Variants in C8orf34 observed in about 807,000 individuals in gnomAD.
The protein encoded by C8orf34 is chromosome 8 open reading frame 34.
A neutral mutation model predicts 68.3 loss-of-function variants in C8orf34; 65 were observed. The ratio of observed to expected loss-of-function variants is 0.95; its 90% CI spans 0.78 to 1.17. The LOEUF (loss-of-function observed/expected upper bound fraction) is 1.17, where lower values mean the gene tolerates loss of function less well. C8orf34 is among the 50% of genes most tolerant of loss of function. The pLI, the probability that C8orf34 is intolerant of heterozygous loss-of-function variation, is 0.00. For missense variants in C8orf34, 664 were observed against 655.4 expected, an observed-to-expected ratio of 1.01 and a Z score of -0.14; for synonymous variants, 244 against 241.2, an observed-to-expected ratio of 1.01 and a Z score of -0.11.
rs920828886 is a variant in C8orf34 at position 68,340,329 on chromosome 8, G to T, written c.327+8990G>T. On this transcript the variant is annotated intron_variant, in intron 1 of 13. Coordinates refer to ENST00000518698, the MANE Select transcript of C8orf34 (RefSeq NM_052958.4). ...ATAAAAACATGAATTAATGATGCAC[G>T]CAGTAACACAAATGAATCCTGAATT... Among the ~76,000 whole-genome samples, 3 of 152,000 alleles carry T rather than the reference G, an allele frequency of 2.0e-5. No individual in the cohort carries two copies. In the East Asian group the frequency reaches 5.8e-4, roughly 29 times the overall value.
intron 10 of C8orf34, among the ~76,000 whole-genome samples, chr8:68,766,758 A>G (rs1823189205): frequency 6.6e-6 from 1 of 152,236 alleles, no homozygotes; most frequent in Non-Finnish European, 1.5e-5. Context: ...CTGTAGTTTA[A>G]TATTAGAAAT....
At chr8:68,796,339 A>G (rs1391742311) in intron 12 of C8orf34, among the ~76,000 whole-genome samples, 3 of 152,156 alleles carry the variant, frequency 2.0e-5, no homozygotes, top group Non-Finnish European at 4.4e-5. Flanking sequence ...GGAGATTCCT[A>G]TACCACCTTT....
intron 7 of C8orf34, among the ~76,000 whole-genome samples, chr8:68,577,907 G>T (rs1477994545): frequency 6.6e-6 from 1 of 151,476 alleles, no homozygotes; most frequent in Admixed American, 6.6e-5. Context: ...AAAAAAAAAT[G>T]CTGAAATGTG....
intron 10 of C8orf34, among the ~76,000 whole-genome samples, chr8:68,746,546 G>C (rs1374458118): frequency 7.8e-6 from 1 of 127,764 alleles, no homozygotes; most frequent in African/African-American, 3.0e-5. Context: ...AAATGATAAA[G>C]GGGATATCAC....
intron 8 of C8orf34, among the ~76,000 whole-genome samples, chr8:68,700,672 T>C (rs1563617680): frequency 6.6e-6 from 1 of 152,034 alleles, no homozygotes; most frequent in Non-Finnish European, 1.5e-5. Context: ...GGGGAGATCA[T>C]GCAAATACAA....
rs765506029 is a variant in C8orf34, at chr8:68,521,950, G to C, written c.917G>C (p.Ser306Thr). 1 of 1,614,042 alleles carries C rather than the reference G, an allele frequency of 6.2e-7. No homozygotes were observed. The highest frequency in any genetic ancestry group is 8.5e-7 in the Non-Finnish European group (1 of 1,179,966). The change falls in exon 6 of 14, where the codon AGT becomes ACT. Residue 306 changes from serine to threonine, a missense_variant. Coordinates refer to ENST00000518698, the MANE Select transcript of C8orf34 (RefSeq NM_052958.4). ...SKNDQWESEDSGSSPAGSLKM... is the reference protein window; with the variant it reads ...SKNDQWESEDTGSSPAGSLKM... ...AATGACCAATGGGAAAGTGAAGATA[G>C]TGGCTCTAGTCCTGCAGGAAGGTGA... is the stretch of plus-strand genomic sequence containing the variant.
chr8:68,658,985 T>C (rs1271451861), intron 8 of C8orf34, among the ~76,000 whole-genome samples: 2 of 152,160 alleles, frequency 1.3e-5, no homozygotes, highest in African/African-American at 4.8e-5. Flanking sequence ...TCATGGCATG[T>C]ATTTTCTTCA....
chr8:68,801,368 T>C (rs182301710), intron 12 of C8orf34, among the ~76,000 whole-genome samples: 7 of 152,188 alleles, frequency 4.6e-5, no homozygotes, highest in Non-Finnish European at 8.8e-5. Flanking sequence ...TAGTAAGAAT[T>C]AGCTTGAGCC....
At chr8:68,672,165 T>C (rs1820032839) in intron 8 of C8orf34, among the ~76,000 whole-genome samples, 1 of 147,072 alleles carries the variant, frequency 6.8e-6, no homozygotes, top group African/African-American at 2.5e-5. Flanking sequence ...AGTCTGGTTA[T>C]GGAGGCAAGG....
chr8:68,810,970 T>C (rs371128574), intron 12 of C8orf34, among the ~76,000 whole-genome samples: 2 of 152,284 alleles, frequency 1.3e-5, no homozygotes, highest in Non-Finnish European at 2.9e-5. Context: ...CTTCAGTCCA[T>C]GCACAGCTTA....
At chr8:68,634,442 A>G (rs1274698677) in intron 7 of C8orf34, among the ~76,000 whole-genome samples, 3 of 152,214 alleles carry the variant, frequency 2.0e-5, no homozygotes, top group Non-Finnish European at 4.4e-5. Flanking sequence ...CTTATGCAGT[A>G]TTGAAAAGTC....
At position 68,568,194 on chromosome 8, in the gene C8orf34, G is replaced by A. The variant is rs539072052; in HGVS notation, c.1105+35045G>A. 2.6e-5 allele frequency among the ~76,000 whole-genome samples: 4 copies of A among 152,228 alleles called. No homozygotes were observed. The South Asian group carries it at 8.3e-4, about 32-fold the overall frequency. ...CACTGATCACACATCACTGATCGCAGATCAGCAATAAGGCTGTGGTGCTTT... is the reference window on the plus strand; with the variant it reads ...CACTGATCACACATCACTGATCGCAAATCAGCAATAAGGCTGTGGTGCTTT... On this transcript the variant is annotated intron_variant, in intron 7 of 13. Transcript: ENST00000518698.
At chr8:68,495,940 A>G (rs1359141488) in intron 5 of C8orf34, among the ~76,000 whole-genome samples, 1 of 152,266 alleles carries the variant, frequency 6.6e-6, no homozygotes, top group Non-Finnish European at 1.5e-5. Flanking sequence ...GTAAATAACT[A>G]GCCAGAAATT....
chr8:68,765,210 T>C (rs1823137624), intron 10 of C8orf34, among the ~76,000 whole-genome samples: 1 of 152,202 alleles, frequency 6.6e-6, no homozygotes, highest in African/African-American at 2.4e-5. Context: ...GAAAGTGGTG[T>C]TATCGCCATT....
chr8:68,799,390 G>A (rs1824267053), intron 12 of C8orf34, among the ~76,000 whole-genome samples: 2 of 152,292 alleles, frequency 1.3e-5, no homozygotes, highest in South Asian at 4.2e-4. Flanking sequence ...CTGACTGCAA[G>A]CAAAGCCTAT....
At position 68,553,937 on chromosome 8, in the gene C8orf34, T is replaced by A. The variant is rs183341189; in HGVS notation, c.1105+20788T>A. 8.5e-5 allele frequency among the ~76,000 whole-genome samples: 13 copies of A among 152,234 alleles called. No homozygotes were observed. The East Asian group carries it at 2.5e-3, about 29-fold the overall frequency. On this transcript the variant is annotated intron_variant, in intron 7 of 13. Transcript: ENST00000518698. ...GAAAACTCTTCTGAGTTTAATAAGT[T>A]GAAATAATGAGGGGAATTCAAATTC...
intron 4 of C8orf34, among the ~76,000 whole-genome samples, chr8:68,484,928 AG>A (rs1205049747): frequency 2.0e-5 from 3 of 152,270 alleles, no homozygotes; most frequent in Non-Finnish European, 4.4e-5. Context: ...GTAAATTTTA[AG>A]AAAATATGAT....
At chr8:68,729,684 A>G (rs1414108768) in intron 10 of C8orf34, among the ~76,000 whole-genome samples, 1 of 152,210 alleles carries the variant, frequency 6.6e-6, no homozygotes, top group Admixed American at 6.5e-5. Flanking sequence ...GACAGGAAGC[A>G]TAAAAAATTG....
chr8:68,730,501 G>C (rs1394337602), intron 10 of C8orf34, among the ~76,000 whole-genome samples: 1 of 152,006 alleles, frequency 6.6e-6, no homozygotes, highest in Non-Finnish European at 1.5e-5. Flanking sequence ...GACATGTTAA[G>C]GATGAAAATA....
Sources: allele counts gnomAD v4.1 joint callset (sites outside exome capture counted in the v4.1 genomes callset), GRCh38; gene constraint gnomAD v4.1.1; transcripts MANE v1.5; gene names NCBI Gene and HGNC (gene_info 2026-07-23, HGNC 2026-07-21).